Variants in SPATA31D1 observed in about 807,000 individuals in gnomAD.
SPATA31D1 encodes the protein spermatogenesis-associated protein 31D1.
In SPATA31D1, 6 loss-of-function variants were observed where a neutral mutation model predicts 13.2. The observed-to-expected ratio is 0.46, with a 90% confidence interval of 0.25 to 0.90. The LOEUF is 0.90. Ranked by LOEUF, SPATA31D1 falls within the 40% of genes least tolerant of loss-of-function variation. SPATA31D1 has a pLI of 0.18. For missense variants in SPATA31D1, 2,445 were observed against 1,884.7 expected, an observed-to-expected ratio of 1.30 and a Z score of -5.50; for synonymous variants, 903 against 718.8, an observed-to-expected ratio of 1.26 and a Z score of -4.10.
rs781320063 is a variant in SPATA31D1 at position 81,991,587 on chromosome 9, C to G, written c.1117C>G (p.Pro373Ala). 4 of 1,613,980 alleles carry G rather than the reference C, an allele frequency of 2.5e-6. No homozygotes were observed. In the South Asian group the frequency reaches 4.4e-5, roughly 18 times the overall value. The stretch of plus-strand genomic sequence containing the variant: ...GGACTCTTTTTCCTCTAATTTTGTG[C>G]CATCTGATTTCATGGAGGAGCTTCT... ...AKDSFSSNFV[P>A]SDFMEELLTL... Residue 373 changes from proline to alanine, a missense_variant, in exon 4 of 4, where the codon CCA becomes GCA. Pro to Ala is a conservative substitution (Grantham distance 27). Coordinates refer to ENST00000344803, the MANE Select transcript of SPATA31D1 (RefSeq NM_001001670.3).
chr9:81,992,390 C>T lies in SPATA31D1; in HGVS notation c.1920C>T (p.Pro640=). 6.2e-7 allele frequency: 1 copy of T among 1,613,750 alleles called. No homozygotes were observed. Among genetic ancestry groups the T allele is most frequent in the Admixed American group, 1.7e-5 (1 of 60,022 alleles). The change falls in exon 4 of 4, where the codon CCC becomes CCT. Residue 640 remains proline (P), a synonymous_variant. Coordinates refer to ENST00000344803, the MANE Select transcript of SPATA31D1 (RefSeq NM_001001670.3). The part of the protein sequence containing the change: ...QKVQESLWGL[P]SVVQKSQEDF... ...TGCAGGAAAGTTTGTGGGGCTTACCCTCTGTGGTTCAAAAATCCCAGGAAG... is the reference window on the plus strand; with the variant it reads ...TGCAGGAAAGTTTGTGGGGCTTACCTTCTGTGGTTCAAAAATCCCAGGAAG...
At chr9:81,990,597 G>C in intron 3 of SPATA31D1, 111 bp downstream of exon 3, 1 of 1,352,162 alleles carries the variant, frequency 7.4e-7, no homozygotes, top group Non-Finnish European at 1.0e-6. Context: ...GGAGTGGGTA[G>C]CCATAGGAAT....
chr9:81,994,969 A>G lies in SPATA31D1; in HGVS notation c.4499A>G (p.Gln1500Arg). ...ATCATAGACAAGGACAGACAGCCCC[A>G]GAAAGTTGAGGCATTTAAGGGGAAG... ...RQIIDKDRQP[Q>R]KVEAFKGKIL... The change falls in exon 4 of 4, where the codon CAG becomes CGG. Residue 1500 changes from glutamine (Q) to arginine (R), a missense_variant. Coordinates refer to ENST00000344803, the MANE Select transcript of SPATA31D1 (RefSeq NM_001001670.3). 4 of 1,613,988 alleles carry G rather than the reference A, an allele frequency of 2.5e-6. No homozygotes were observed. Among genetic ancestry groups the G allele is most frequent in the Non-Finnish European group, 3.4e-6 (4 of 1,179,850 alleles).
At position 81,992,407 on chromosome 9, in the gene SPATA31D1, C is replaced by A; in HGVS notation, c.1937C>A (p.Ser646Tyr). 1 of 1,613,568 alleles carries A rather than the reference C, an allele frequency of 6.2e-7. No homozygotes were observed. Among genetic ancestry groups the A allele is most frequent in the Non-Finnish European group, 8.5e-7 (1 of 1,179,726 alleles). ...GGCTTACCCTCTGTGGTTCAAAAAT[C>A]CCAGGAAGACTTTTGTCCTCCAGCT... ...LWGLPSVVQK[S>Y]QEDFCPPAPN... Residue 646 changes from serine (S) to tyrosine (Y), a missense_variant, in exon 4 of 4, where the codon TCC becomes TAC. Coordinates refer to ENST00000344803, the MANE Select transcript of SPATA31D1 (RefSeq NM_001001670.3).
rs1825027722 is a variant in SPATA31D1, at chr9:81,993,585, T to G, written c.3115T>G (p.Ser1039Ala). The G allele has an allele frequency of 8.1e-6, 13 of 1,613,276 alleles. No individual in the cohort carries two copies. The highest frequency in any genetic ancestry group is 2.7e-5 in the African/African-American group (2 of 74,730). The change falls in exon 4 of 4, where the codon TCA becomes GCA. Residue 1039 changes from serine (S) to alanine (A), a missense_variant. Physicochemically the swap from Ser to Ala is moderately conservative, Grantham distance 99. Transcript: ENST00000344803. ...TTDFQSEKLD[S>A]TSSFPILGHS... Reference sequence around the variant, plus strand: ...AGATTTTCAAAGCGAAAAATTAGATTCAACAAGCTCATTCCCCATCCTCGG... The same window carrying G: ...AGATTTTCAAAGCGAAAAATTAGATGCAACAAGCTCATTCCCCATCCTCGG...
Position 81,993,306 on chromosome 9 carries a change from T to C in SPATA31D1, c.2836T>C (p.Ser946Pro). The C allele has an allele frequency of 6.2e-7, 1 of 1,613,942 alleles. No homozygotes were observed. The highest frequency in any genetic ancestry group is 8.5e-7 in the Non-Finnish European group (1 of 1,179,868). ...STSFSHFDLP[S>P]SATFISQGDS... ...TTCCTTTTCCCATTTCGACCTTCCC[T>C]CCTCAGCCACCTTCATCTCTCAGGG... is the stretch of plus-strand genomic sequence containing the variant. The change falls in exon 4 of 4, where the codon TCC becomes CCC. Residue 946 changes from serine (S) to proline (P), a missense_variant. By Grantham distance (74) the Ser-to-Pro change is moderately conservative (BLOSUM62 -1). Transcript: ENST00000344803.
At position 81,995,102 on chromosome 9, in the gene SPATA31D1, C is replaced by A; in HGVS notation, c.4632C>A (p.Thr1544=). ...QVSLVCPAVP[T]SAKSPVFSDV... The stretch of plus-strand genomic sequence containing the variant: ...GCCTGGTGTGTCCAGCCGTCCCAAC[C>A]AGTGCTAAAAGCCCTGTGTTTAGTG... Residue 1544 remains threonine (T), a synonymous_variant, in exon 4 of 4, where the codon ACC becomes ACA. Coordinates refer to ENST00000344803, the MANE Select transcript of SPATA31D1 (RefSeq NM_001001670.3). 6.2e-7 allele frequency: 1 copy of A among 1,609,918 alleles called. No homozygotes were observed. The highest frequency in any genetic ancestry group is 1.1e-5 in the South Asian group (1 of 90,332).
rs773913531 is a variant in SPATA31D1 at position 81,994,241 on chromosome 9, C to T, written c.3771C>T (p.Val1257=). Residue 1257 remains valine, a synonymous_variant, in exon 4 of 4, where the codon GTC becomes GTT. Coordinates refer to ENST00000344803, the MANE Select transcript of SPATA31D1 (RefSeq NM_001001670.3). ...GDMGTSQVVH[V]HLEDSGIRVA... ...TGGGAACTTCCCAGGTGGTGCATGT[C>T]CACTTGGAGGACAGCGGAATCCGTG... 6.2e-7 allele frequency: 1 copy of T among 1,613,962 alleles called. No individual in the cohort carries two copies. The highest frequency in any genetic ancestry group is 1.7e-5 in the Admixed American group (1 of 60,014).
chr9:81,995,061 TGCC>T lies in SPATA31D1; in HGVS notation c.4593_4595del (p.Cys1531_Arg1532delinsTrp). The stretch of plus-strand genomic sequence containing the variant: ...GCCTGTGCCACATCCAAACCCCACT[TGCC>T]GGCGTCAGGTCAGCCTGGTGTGTCC... On this transcript the variant is annotated inframe_deletion, in exon 4 of 4. Transcript: ENST00000344803. 1.2e-6 allele frequency: 2 copies of T among 1,613,600 alleles called. No individual in the cohort carries two copies. The highest frequency in any genetic ancestry group is 1.7e-6 in the Non-Finnish European group (2 of 1,179,712).
rs779075552 is a variant in SPATA31D1, at chr9:81,992,750, C to T, written c.2280C>T (p.Ser760=). 6.2e-6 allele frequency: 10 copies of T among 1,613,670 alleles called. No individual in the cohort carries two copies. Among genetic ancestry groups the T allele is most frequent in the Non-Finnish European group, 7.6e-6 (9 of 1,179,744 alleles). Residue 760 remains serine (S), a synonymous_variant, in exon 4 of 4, where the codon AGC becomes AGT. Transcript: ENST00000344803. Reference sequence around the variant, plus strand: ...TCCCTAGAAGCTTCCACGAGAGGAGCTCAAATATGCTTTCCATGGAGAATG... The same window carrying T: ...TCCCTAGAAGCTTCCACGAGAGGAGTTCAAATATGCTTTCCATGGAGAATG... ...SSFPRSFHER[S]SNMLSMENVG... is the part of the protein sequence containing the mutation.
At position 81,994,135 on chromosome 9, in the gene SPATA31D1, TC is replaced by T; in HGVS notation, c.3666del (p.Phe1222LeufsTer8). The T allele has an allele frequency of 6.2e-7, 1 of 1,614,026 alleles. No homozygotes were observed. ...QRKHSQPQSH[F>X]TDMSFALDNL... ...AAGCATAGCCAACCTCAGAGCCATT[TC>T]ACTGACATGTCTTTTGCCTTAGATA... On this transcript the variant is annotated frameshift_variant, in exon 4 of 4. Coordinates refer to ENST00000344803, the MANE Select transcript of SPATA31D1 (RefSeq NM_001001670.3). LOFTEE classifies it low-confidence loss of function (END_TRUNC).
rs764252351 is a variant in SPATA31D1, at chr9:81,991,768, A to G, written c.1298A>G (p.Lys433Arg). Residue 433 changes from lysine to arginine, a missense_variant, in exon 4 of 4, where the codon AAG becomes AGG. Physicochemically the swap from Lys to Arg is conservative, Grantham distance 26. Transcript: ENST00000344803. ...GDFLMWKENG[K>R]KPGSFPKQLR... ...TTCCTGATGTGGAAAGAAAATGGAA[A>G]GAAACCAGGATCATTCCCAAAACAA... The G allele has an allele frequency of 1.5e-5, 24 of 1,613,830 alleles. No homozygotes were observed. Among genetic ancestry groups the G allele is most frequent in the Non-Finnish European group, 2.0e-5 (24 of 1,179,734 alleles).
chr9:81,992,471 T>G lies in SPATA31D1; in HGVS notation c.2001T>G (p.His667Gln), dbSNP rs1346288204. 3.7e-6 allele frequency: 6 copies of G among 1,612,054 alleles called. No individual in the cohort carries two copies. Among genetic ancestry groups the G allele is most frequent in the African/African-American group, 1.3e-5 (1 of 74,888 alleles). ...TGGTCAGAAAGTCCTTCAAGGTCCA[T>G]GTTCCGATCTCCATCATTCCTGGAG... is the stretch of plus-strand genomic sequence containing the variant. ...PELVRKSFKV[H>Q]VPISIIPGDF... Residue 667 changes from histidine to glutamine, a missense_variant, in exon 4 of 4, where the codon CAT becomes CAG. Transcript: ENST00000344803.
chr9:81,992,831 T>A lies in SPATA31D1; in HGVS notation c.2361T>A (p.His787Gln). The A allele has an allele frequency of 6.2e-7, 1 of 1,613,796 alleles. No individual in the cohort carries two copies. The highest frequency in any genetic ancestry group is 8.5e-7 in the Non-Finnish European group (1 of 1,179,714). Reference protein sequence around the residue: ...QETVPKDHLLHGPETSSDKDL... With the variant: ...QETVPKDHLLQGPETSSDKDL... ...CTGTCCCAAAAGATCACCTGTTGCA[T>A]GGTCCGGAGACTTCTTCAGACAAGG... Residue 787 changes from histidine to glutamine, a missense_variant, in exon 4 of 4, where the codon CAT becomes CAA. Physicochemically the swap from His to Gln is conservative, Grantham distance 24 (BLOSUM62 0). Transcript: ENST00000344803.
rs1825008373 is a variant in SPATA31D1 at position 81,992,960 on chromosome 9, G to T, written c.2490G>T (p.Leu830=). 1 of 1,613,652 alleles carries T rather than the reference G, an allele frequency of 6.2e-7. No homozygotes were observed. The highest frequency in any genetic ancestry group is 1.3e-5 in the African/African-American group (1 of 74,916). ...RLGQKQLENA[L]TVRLSKKFEE... ...GTCAGAAACAACTTGAAAATGCCCTGACAGTACGTTTGAGCAAGAAATTTG... is the reference window on the plus strand; with the variant it reads ...GTCAGAAACAACTTGAAAATGCCCTTACAGTACGTTTGAGCAAGAAATTTG... Residue 830 remains leucine, a synonymous_variant, in exon 4 of 4, where the codon CTG becomes CTT. Transcript: ENST00000344803.
rs775828110 is a variant in SPATA31D1, at chr9:81,991,759, A to G, written c.1289A>G (p.Glu430Gly). ...AGGGGTGATTTCCTGATGTGGAAAG[A>G]AAATGGAAAGAAACCAGGATCATTC... is the stretch of plus-strand genomic sequence containing the variant. ...KKRGDFLMWK[E>G]NGKKPGSFPK... Residue 430 changes from glutamate to glycine, a missense_variant, in exon 4 of 4, where the codon GAA becomes GGA. Transcript: ENST00000344803. The G allele has an allele frequency of 6.2e-7, 1 of 1,613,834 alleles. No individual in the cohort carries two copies. The highest frequency in any genetic ancestry group is 1.7e-5 in the Admixed American group (1 of 60,016).
intron 2 of SPATA31D1, chr9:81,990,149 C>A: frequency 1.9e-6 from 1 of 523,838 alleles, no homozygotes; most frequent in South Asian, 3.0e-5. Flanking sequence ...ACTTTGACTT[C>A]CTCAATGCTC....
chr9:81,989,110 A>G, intron 1 of SPATA31D1, 106 bp downstream of exon 1: 1 of 1,473,542 alleles, frequency 6.8e-7, no homozygotes, highest in Non-Finnish European at 9.1e-7. Flanking sequence ...CATGTTTTAG[A>G]TGGGAAGTCT....
In SPATA31D1 at chr9:81,993,003, C is replaced by G. The variant is rs1182220134; in HGVS notation, c.2533C>G (p.Arg845Gly). ...GAAATTTGAGGAAATCAATGAGGGT[C>G]GAATGCCTGGGACTGTGCATAGTTC... Reference protein sequence around the residue: ...SKKFEEINEGRMPGTVHSSWH... With the variant: ...SKKFEEINEGGMPGTVHSSWH... The change falls in exon 4 of 4, where the codon CGA becomes GGA. Residue 845 changes from arginine to glycine, a missense_variant. Arg to Gly is a moderately radical substitution (Grantham distance 125). Coordinates refer to ENST00000344803, the MANE Select transcript of SPATA31D1 (RefSeq NM_001001670.3). 1.9e-6 allele frequency: 3 copies of G among 1,613,704 alleles called. No homozygotes were observed. The highest frequency in any genetic ancestry group is 4.5e-5 in the East Asian group (2 of 44,858).
Sources: allele counts gnomAD v4.1 joint callset, GRCh38; gene constraint gnomAD v4.1.1; transcripts MANE v1.5; gene names NCBI Gene and HGNC (gene_info 2026-07-23, HGNC 2026-07-21).